The following LOXHD1 variants were observed in gnomAD, a reference collection of about 807,000 sequenced individuals.
The protein encoded by LOXHD1 is lipoxygenase homology PLAT domains 1, also known as lipoxygenase homology domain-containing protein 1.
Under a neutral mutation model 248.2 loss-of-function variants are expected in LOXHD1, and 205 were observed. The observed-to-expected ratio is 0.83, with a 90% CI of 0.74 to 0.93. The LOEUF is 0.93. Ranked by LOEUF, LOXHD1 falls within the 40% of genes least tolerant of loss-of-function variation. The pLI, the probability that LOXHD1 is intolerant of heterozygous loss-of-function variation, is 0.00. For synonymous variants in LOXHD1, 1,113 were observed against 1,162.8 expected, an observed-to-expected ratio of 0.96 and a Z score of 0.87; for missense variants, 2,930 against 2,971.6, an observed-to-expected ratio of 0.99 and a Z score of 0.33.
Position 46,524,768 on chromosome 18 carries a change from G to A in LOXHD1, c.4680C>T (p.Cys1560=), listed in dbSNP as rs397517863. ...DTNEDEFLFL[C]GRWLSLKKED... ...CCTTCTTCAGGGAGAGCCAGCGCCC[G>A]CATAGGAACAGGAACTCGTCCTCGT... is the stretch of plus-strand genomic sequence containing the variant. The change falls in exon 30 of 41, where the codon TGC becomes TGT. Residue 1560 remains cysteine (C), a synonymous_variant. Transcript: ENST00000642948. 3.2e-4 allele frequency: 501 copies of A among 1,551,742 alleles called. 8 individuals carry two copies. The South Asian group carries it at 5.7e-3, about 18-fold the overall frequency.
At chr18:46,557,619 G>C in intron 20 of LOXHD1, 130 bp from the exon 21 acceptor site, 1 of 1,100,138 alleles carries the variant, frequency 9.1e-7, no homozygotes, top group South Asian at 1.5e-5. Context: ...ACCAGGAGTG[G>C]GGATGATGGA....
In LOXHD1 at chr18:46,501,757, G is replaced by A. The variant is rs139614780; in HGVS notation, c.5878+4081C>T. Among the ~76,000 whole-genome samples, 700 of 152,304 alleles carry A rather than the reference G, an allele frequency of 4.6e-3. 4 individuals carry two copies. Among genetic ancestry groups the A allele is most frequent in the Non-Finnish European group, 8.0e-3 (546 of 68,030 alleles). On this transcript the variant is annotated intron_variant, in intron 37 of 40. Transcript: ENST00000642948. Reference sequence around the variant, plus strand: ...AGCAACATTATAGGGCATAACTACCGTGAATAGTGAGAGCCAGCTGTAATT... The same window carrying A: ...AGCAACATTATAGGGCATAACTACCATGAATAGTGAGAGCCAGCTGTAATT...
In LOXHD1 at chr18:46,639,548, C is replaced by T. The variant is rs773272332; in HGVS notation, c.511+68G>A. 93 of 1,497,692 alleles carry T rather than the reference C, an allele frequency of 6.2e-5. No homozygotes were observed. The Middle Eastern group carries it at 1.2e-3, about 19-fold the overall frequency. 92.8% of individuals were successfully genotyped at this position (1,497,692 alleles called of 1,614,324 possible). A position where few individuals can be genotyped will look rare whatever the true frequency, so the allele number is the denominator to read the frequency against. Reference sequence around the variant, plus strand: ...GAGACTGCCCAGAGCAAGACAGGCACGATTCTTTCCTGGGTGAGCCCAGCC... The same window carrying T: ...GAGACTGCCCAGAGCAAGACAGGCATGATTCTTTCCTGGGTGAGCCCAGCC... On this transcript the variant is annotated intron_variant, in intron 4 of 40. Transcript: ENST00000642948.
intron 4 of LOXHD1, among the ~76,000 whole-genome samples, chr18:46,632,288 G>A (rs1266788377): frequency 6.6e-6 from 1 of 152,212 alleles, no homozygotes; most frequent in African/African-American, 2.4e-5. Context: ...GGCACTCTGA[G>A]CCATGATGCT....
chr18:46,563,214 C>T lies in LOXHD1; in HGVS notation c.2449G>A (p.Glu817Lys). The T allele has an allele frequency of 6.6e-7, 1 of 1,505,272 alleles. No homozygotes were observed. The highest frequency in any genetic ancestry group is 9.0e-7 in the Non-Finnish European group (1 of 1,110,734). The allele number at this position is 1,505,272 out of a possible 1,614,324, so 93.2% of individuals were successfully genotyped here. Residue 817 changes from glutamate to lysine, a missense_variant, in exon 18 of 41, where the codon GAG becomes AAG. By Grantham distance (56) the Glu-to-Lys change is moderately conservative (BLOSUM62 1). Transcript: ENST00000642948. ...VVEIQKLVHY[E>K]VEIWTGDVGG... The stretch of plus-strand genomic sequence containing the variant: ...ACATCTCCTGTCCAAATCTCAACCT[C>T]ATAGTGGACCACTGGGTGGGCACGT...
At chr18:46,631,465 C>T (rs890915681) in intron 4 of LOXHD1, among the ~76,000 whole-genome samples, 1 of 152,166 alleles carries the variant, frequency 6.6e-6, no homozygotes, top group African/African-American at 2.4e-5. Flanking sequence ...CAGTGTGTGG[C>T]ACAGACTTTC....
intron 19 of LOXHD1, 31 bp downstream of exon 19, chr18:46,560,052 T>TGGCCCCCCC: frequency 1.4e-5 from 6 of 441,126 alleles, no homozygotes; most frequent in Non-Finnish European, 2.2e-5. Context: ...GGCCACTCCC[T>TGGCCCCCCC]CCCCACCCCC....
intron 40 of LOXHD1, among the ~76,000 whole-genome samples, chr18:46,482,282 T>C (rs1450897917): frequency 6.6e-6 from 1 of 152,146 alleles, no homozygotes; most frequent in African/African-American, 2.4e-5. Flanking sequence ...TATTTGGAGA[T>C]GGGGGACTTC....
At chr18:46,591,266 G>A (rs2038163032) in intron 12 of LOXHD1, among the ~76,000 whole-genome samples, 2 of 152,180 alleles carry the variant, frequency 1.3e-5, no homozygotes, top group South Asian at 4.1e-4. Flanking sequence ...TGCCATTTCT[G>A]ATCAATTGTT....
intron 19 of LOXHD1, 34 bp downstream of exon 19, chr18:46,560,049 C>CGCGGG: frequency 1.8e-6 from 1 of 555,554 alleles, no homozygotes; most frequent in Non-Finnish European, 3.3e-6. Flanking sequence ...TCTGGCCACT[C>CGCGGG]CCTCCCCACC....
intron 29 of LOXHD1, among the ~76,000 whole-genome samples, chr18:46,528,219 A>G (rs1362704939): frequency 6.6e-6 from 1 of 152,180 alleles, no homozygotes; most frequent in East Asian, 1.9e-4. Flanking sequence ...TTAGGAGCCA[A>G]TCCCCTTAAC....
At chr18:46,589,426 G>T (rs1033298994) in intron 12 of LOXHD1, among the ~76,000 whole-genome samples, 3 of 152,226 alleles carry the variant, frequency 2.0e-5, no homozygotes, top group African/African-American at 4.8e-5. Context: ...TTCATTTCTT[G>T]TCCGTCCCCC....
intron 34 of LOXHD1, among the ~76,000 whole-genome samples, chr18:46,517,127 T>C (rs2035295189): frequency 6.6e-6 from 1 of 152,134 alleles, no homozygotes; most frequent in African/African-American, 2.4e-5. Flanking sequence ...GTTTTTAAAA[T>C]GTTAAGCTTA....
chr18:46,509,928 A>G, intron 34 of LOXHD1, 113 bp from the exon 35 acceptor site: 1 of 747,014 alleles, frequency 1.3e-6, no homozygotes, highest in East Asian at 2.7e-5. Flanking sequence ...GCCTTTACTC[A>G]GCAGCCCCTC....
At chr18:46,570,439 C>T (rs1161887632) in intron 15 of LOXHD1, among the ~76,000 whole-genome samples, 1 of 152,212 alleles carries the variant, frequency 6.6e-6, no homozygotes, top group Non-Finnish European at 1.5e-5. Context: ...GGTCCTCCCA[C>T]TAGGCAGAAG....
At chr18:46,486,248 G>A (rs1234585588) in intron 38 of LOXHD1, among the ~76,000 whole-genome samples, 4 of 152,206 alleles carry the variant, frequency 2.6e-5, no homozygotes, top group East Asian at 1.9e-4. Context: ...GATGACTGAC[G>A]GTCTGGGATT....
At chr18:46,635,831 G>A (rs2038885764) in intron 4 of LOXHD1, among the ~76,000 whole-genome samples, 1 of 152,132 alleles carries the variant, frequency 6.6e-6, no homozygotes, top group Admixed American at 6.5e-5. Flanking sequence ...AGCAGTACTT[G>A]AATCAGGCAA....
chr18:46,495,638 G>T (rs1307754237), intron 37 of LOXHD1, among the ~76,000 whole-genome samples: 1 of 152,032 alleles, frequency 6.6e-6, no homozygotes, highest in Non-Finnish European at 1.5e-5. Flanking sequence ...ATTCCTCACA[G>T]ACTTACTCAG....
At chr18:46,562,865 G>C (rs578193023) in intron 18 of LOXHD1, among the ~76,000 whole-genome samples, 200 bp downstream of exon 18, 1 of 152,164 alleles carries the variant, frequency 6.6e-6, no homozygotes, top group Admixed American at 6.5e-5. Flanking sequence ...GAGGCCAGGG[G>C]TGGGAATCAC....
Sources: gnomAD v4.1 joint callset for allele counts (sites outside exome capture counted in the v4.1 genomes callset) on GRCh38, gnomAD v4.1.1 for gene constraint, MANE v1.5 for transcripts, NCBI Gene and HGNC (gene_info 2026-07-23, HGNC 2026-07-21) for gene names.